SEMA6D: variants seen among roughly 807,000 people sequenced by gnomAD.
SEMA6D encodes semaphorin 6D.
In SEMA6D, 35 loss-of-function variants were observed where a neutral mutation model predicts 106.6. That is an observed-to-expected ratio of 0.33 (90% CI 0.25 to 0.44). The LOEUF is 0.44. SEMA6D is among the 20% of genes least tolerant of loss of function. SEMA6D has a pLI of 1.00. For synonymous variants in SEMA6D, 499 were observed against 487.7 expected (o/e 1.02, Z -0.31); for missense variants, 1,185 against 1,345.9 (o/e 0.88, Z 1.87).
intron 3 of SEMA6D, among the ~76,000 whole-genome samples, chr15:47,559,625 G>A (rs2046018591): frequency 6.6e-6 from 1 of 152,220 alleles, no homozygotes; most frequent in South Asian, 2.1e-4. Context: ...TTAACAGAGA[G>A]TTCTGGGAGA....
intron 1 of SEMA6D, among the ~76,000 whole-genome samples, chr15:47,230,360 G>T (rs1038498043): frequency 6.6e-6 from 1 of 151,902 alleles, no homozygotes; most frequent in Admixed American, 6.6e-5. Flanking sequence ...GATTTCCATG[G>T]TTACATATAA....
At chr15:47,479,182 A>G (rs1048117947) in intron 3 of SEMA6D, among the ~76,000 whole-genome samples, 3 of 152,140 alleles carry the variant, frequency 2.0e-5, no homozygotes, top group Non-Finnish European at 2.9e-5. Flanking sequence ...TACTTCATAC[A>G]TATATAATTT....
chr15:47,727,562 G>A (rs532622200), intron 1 of SEMA6D, among the ~76,000 whole-genome samples: 9 of 152,278 alleles, frequency 5.9e-5, no homozygotes, highest in African/African-American at 1.7e-4. Context: ...TCTTGCCTAC[G>A]GCACGAAGAG....
At position 47,764,036 on chromosome 15, in the gene SEMA6D, G is replaced by A. The variant is rs763826844; in HGVS notation, c.934G>A (p.Val312Met). The A allele has an allele frequency of 3.1e-6, 5 of 1,613,760 alleles. No homozygotes were observed. The highest frequency in any genetic ancestry group is 2.7e-5 in the African/African-American group (2 of 74,888). ...DIIQINGIPTVVGVFTTQLNS... is the reference protein window; with the variant it reads ...DIIQINGIPTMVGVFTTQLNS... The stretch of plus-strand genomic sequence containing the variant: ...AATACAAATCAATGGCATCCCCACT[G>A]TGGTCGGGGTGTTTACCACGCAGCT... The change falls in exon 10 of 19, where the codon GTG becomes ATG. Residue 312 changes from valine to methionine, a missense_variant. Val to Met is a conservative substitution (Grantham distance 21). Around this residue, in one of 3 missense-constraint regions of SEMA6D, gnomAD observed 291 missense variants for 423.8 expected, o/e 0.69. Coordinates refer to ENST00000536845, the MANE Select transcript of SEMA6D (RefSeq NM_001358351.3).
intron 1 of SEMA6D, among the ~76,000 whole-genome samples, chr15:47,721,435 TG>T (rs1456089365): frequency 6.6e-6 from 1 of 152,216 alleles, no homozygotes; most frequent in African/African-American, 2.4e-5. Flanking sequence ...GCTAGTGTCT[TG>T]GGTTGCCGCT....
intron 4 of SEMA6D, among the ~76,000 whole-genome samples, chr15:47,649,280 A>G (rs1278824214): frequency 6.6e-6 from 1 of 152,188 alleles, no homozygotes; most frequent in African/African-American, 2.4e-5. Flanking sequence ...TATCTGTGGG[A>G]AAAATGTACT....
rs1298425087 is a variant in SEMA6D at position 47,766,240 on chromosome 15, C to A, written c.1646+58C>A. On this transcript the variant is annotated intron_variant, in intron 15 of 18. Coordinates refer to ENST00000536845, the MANE Select transcript of SEMA6D (RefSeq NM_001358351.3). The stretch of plus-strand genomic sequence containing the variant: ...ACTATCCTCTCCAGGGTCTCTAAAG[C>A]TAGAAATTGCAGAAAACTTCCAATT... 2.1e-6 allele frequency: 3 copies of A among 1,440,282 alleles called. No homozygotes were observed. In the African/African-American group the frequency reaches 4.3e-5, roughly 21 times the overall value. 89.2% of individuals were successfully genotyped at this position (1,440,282 alleles called of 1,614,324 possible).
At chr15:47,668,277 C>T (rs2078067413) in intron 4 of SEMA6D, among the ~76,000 whole-genome samples, 1 of 152,126 alleles carries the variant, frequency 6.6e-6, no homozygotes, top group Non-Finnish European at 1.5e-5. Context: ...TAACTTGGGT[C>T]AGCTTGTTCT....
At chr15:47,198,486 T>G (rs1363346018) in intron 1 of SEMA6D, among the ~76,000 whole-genome samples, 2 of 152,156 alleles carry the variant, frequency 1.3e-5, no homozygotes, top group African/African-American at 4.8e-5. Flanking sequence ...CCATTGTGTC[T>G]AGGATCATGT....
intron 3 of SEMA6D, among the ~76,000 whole-genome samples, chr15:47,479,828 C>G (rs8030510): frequency 0.034 from 5,174 of 151,108 alleles, 228 homozygotes; most frequent in African/African-American, 0.1. Flanking sequence ...TAATTCCATA[C>G]TGCACCATTT....
intron 4 of SEMA6D, among the ~76,000 whole-genome samples, chr15:47,668,594 T>C (rs2078075598): frequency 6.6e-6 from 1 of 152,192 alleles, no homozygotes; most frequent in African/African-American, 2.4e-5. Flanking sequence ...TGCCTGAACC[T>C]ACAGAGTGAG....
intron 1 of SEMA6D, among the ~76,000 whole-genome samples, chr15:47,339,940 A>G (rs1000860611): frequency 7.9e-5 from 12 of 152,262 alleles, no homozygotes; most frequent in African/African-American, 1.2e-4. Flanking sequence ...GAAAAATTCA[A>G]TGGGATAAGG....
intron 1 of SEMA6D, among the ~76,000 whole-genome samples, chr15:47,334,879 A>G (rs147777046): frequency 0.011 from 1,675 of 152,286 alleles, 12 homozygotes; most frequent in Non-Finnish European, 0.014. Flanking sequence ...TATGCAAGAG[A>G]ATTCAAAATA....
chr15:47,536,261 A>G (rs1259031819), intron 3 of SEMA6D, among the ~76,000 whole-genome samples: 1 of 152,192 alleles, frequency 6.6e-6, no homozygotes, highest in East Asian at 1.9e-4. Context: ...TCCACCATAA[A>G]TGGTGGTTAC....
chr15:47,491,621 A>G (rs1288438251), intron 3 of SEMA6D, among the ~76,000 whole-genome samples: 1 of 152,116 alleles, frequency 6.6e-6, no homozygotes, highest in Non-Finnish European at 1.5e-5. Context: ...TAGTTCTTGG[A>G]TTGGTGGTGG....
At chr15:47,518,221 AAT>A (rs1456664805) in intron 3 of SEMA6D, among the ~76,000 whole-genome samples, 2 of 152,326 alleles carry the variant, frequency 1.3e-5, no homozygotes, top group Admixed American at 1.3e-4. Flanking sequence ...AAAAACAGGA[AAT>A]ACAAGGACAG....
chr15:47,404,983 C>T (rs2040513484), intron 1 of SEMA6D, among the ~76,000 whole-genome samples: 1 of 152,124 alleles, frequency 6.6e-6, no homozygotes, highest in East Asian at 1.9e-4. Context: ...GTCTTCACCT[C>T]ACCGCCGGTC....
At chr15:47,765,569 A>G (rs1252624208) in intron 13 of SEMA6D, 1 of 600,728 alleles carries the variant, frequency 1.7e-6, no homozygotes, top group Non-Finnish European at 2.2e-6. Context: ...AGGAAAATTT[A>G]TATGCATTAA....
chr15:47,625,889 C>T (rs1031677001), intron 4 of SEMA6D, among the ~76,000 whole-genome samples: 3 of 151,842 alleles, frequency 2.0e-5, no homozygotes, highest in African/African-American at 4.8e-5. Flanking sequence ...TCCTGTATTC[C>T]AATACGATCA....
Sources: gnomAD v4.1 joint callset for allele counts (sites outside exome capture counted in the v4.1 genomes callset) on GRCh38, gnomAD v4.1.1 for gene constraint, gnomAD v4.1.1 regional missense constraint, MANE v1.5 for transcripts, NCBI Gene and HGNC (gene_info 2026-07-23, HGNC 2026-07-21) for gene names.